The following CADPS2 variants were observed in gnomAD, a reference collection of about 807,000 sequenced individuals.
CADPS2 encodes calcium-dependent secretion activator 2.
Under a neutral mutation model 172.5 loss-of-function variants are expected in CADPS2, and 93 were observed. The observed-to-expected ratio is 0.54, with a 90% CI of 0.46 to 0.64. The LOEUF (loss-of-function observed/expected upper bound fraction) is 0.64. Among genes scored for constraint, CADPS2 ranks in the 30% least tolerant of loss-of-function variants. The probability of loss-of-function intolerance (pLI) is 0.00; values close to 1 mark genes in which losing one functional copy is unlikely to be tolerated. For missense variants in CADPS2, 1,420 were observed against 1,565.9 expected, an observed-to-expected ratio of 0.91 and a Z score of 1.57; for synonymous variants, 546 against 555.2, an observed-to-expected ratio of 0.98 and a Z score of 0.23.
intron 25 of CADPS2, among the ~76,000 whole-genome samples, chr7:122,368,751 T>C (rs1286516265): frequency 6.6e-6 from 1 of 152,130 alleles, no homozygotes; most frequent in African/African-American, 2.4e-5. Context: ...CTCTTCCAAA[T>C]CCAGCATTCC....
chr7:122,701,806 A>T, intron 2 of CADPS2: 1 of 1,404,012 alleles, frequency 7.1e-7, no homozygotes, highest in South Asian at 1.3e-5. Context: ...AGATCTGGTT[A>T]CATCTTCAGA....
At chr7:122,340,724 C>A (rs962044585) in intron 28 of CADPS2, among the ~76,000 whole-genome samples, 1 of 152,042 alleles carries the variant, frequency 6.6e-6, no homozygotes, top group Admixed American at 6.6e-5. Flanking sequence ...AGAAACATCA[C>A]AGTAGGCATT....
chr7:122,851,532 T>G (rs1813629432), intron 1 of CADPS2, among the ~76,000 whole-genome samples: 1 of 152,164 alleles, frequency 6.6e-6, no homozygotes, highest in Admixed American at 6.5e-5. Flanking sequence ...TTAATGAACC[T>G]GTATTAGTCT....
intron 2 of CADPS2, among the ~76,000 whole-genome samples, chr7:122,671,327 T>C (rs953082348): frequency 6.6e-6 from 1 of 152,188 alleles, no homozygotes; most frequent in South Asian, 2.1e-4. Context: ...TTTGGATGGT[T>C]AAACCAATGA....
intron 8 of CADPS2, among the ~76,000 whole-genome samples, chr7:122,514,147 C>T (rs986567776): frequency 8.6e-5 from 13 of 151,802 alleles, no homozygotes; most frequent in African/African-American, 2.9e-4. Context: ...AAAATTATGC[C>T]ACAAAATTAT....
intron 2 of CADPS2, chr7:122,701,758 G>T: frequency 9.8e-7 from 1 of 1,025,470 alleles, no homozygotes. Flanking sequence ...TCTACATAAA[G>T]TACAATAAGA....
chr7:122,502,677 C>T (rs1436899904), intron 9 of CADPS2, among the ~76,000 whole-genome samples: 1 of 151,936 alleles, frequency 6.6e-6, no homozygotes, highest in African/African-American at 2.4e-5. Flanking sequence ...AATAATTTTT[C>T]ATGTTTAATT....
At chr7:122,380,537 T>C (rs979937929) in intron 24 of CADPS2, among the ~76,000 whole-genome samples, 1 of 152,082 alleles carries the variant, frequency 6.6e-6, no homozygotes, top group South Asian at 2.1e-4. Context: ...TAGGTCTGCT[T>C]TGGAATACTC....
At chr7:122,565,838 T>C (rs1206085778) in intron 7 of CADPS2, among the ~76,000 whole-genome samples, 1 of 152,192 alleles carries the variant, frequency 6.6e-6, no homozygotes, top group East Asian at 1.9e-4. Context: ...GTATAATTCA[T>C]GATTATTAAC....
At chr7:122,835,128 A>G (rs958836573) in intron 1 of CADPS2, among the ~76,000 whole-genome samples, 1 of 152,200 alleles carries the variant, frequency 6.6e-6, no homozygotes, top group African/African-American at 2.4e-5. Flanking sequence ...CTGTTCAGCA[A>G]TATTCGATGT....
At chr7:122,609,796 A>T (rs1266887421) in intron 6 of CADPS2, among the ~76,000 whole-genome samples, 1 of 152,198 alleles carries the variant, frequency 6.6e-6, no homozygotes, top group Non-Finnish European at 1.5e-5. Context: ...TATAATTAGT[A>T]TCAGACAGAA....
intron 1 of CADPS2, among the ~76,000 whole-genome samples, chr7:122,804,531 A>T (rs1798368017): frequency 6.6e-6 from 1 of 152,226 alleles, no homozygotes; most frequent in South Asian, 2.1e-4. Context: ...AAAATTTCTT[A>T]AATGACATTT....
At chr7:122,859,275 T>A (rs985522449) in intron 1 of CADPS2, among the ~76,000 whole-genome samples, 1 of 152,136 alleles carries the variant, frequency 6.6e-6, no homozygotes, top group Non-Finnish European at 1.5e-5. Flanking sequence ...AATATGGGAG[T>A]CATCTGTTGA....
chr7:122,715,010 A>G (rs899214134), intron 2 of CADPS2, among the ~76,000 whole-genome samples: 1 of 152,246 alleles, frequency 6.6e-6, no homozygotes, highest in Non-Finnish European at 1.5e-5. Flanking sequence ...TTCTAGAGGG[A>G]GTACAGCCCT....
At chr7:122,672,614 G>A (rs974422958) in intron 2 of CADPS2, among the ~76,000 whole-genome samples, 1 of 152,114 alleles carries the variant, frequency 6.6e-6, no homozygotes, top group Non-Finnish European at 1.5e-5. Context: ...ACAGAATACT[G>A]GGCCTTGGAA....
chr7:122,539,938 C>A (rs1370391177), intron 8 of CADPS2, among the ~76,000 whole-genome samples: 1 of 151,920 alleles, frequency 6.6e-6, no homozygotes, highest in East Asian at 1.9e-4. Flanking sequence ...CTTCATAAAA[C>A]TTCAACTGAT....
At chr7:122,418,480 G>C (rs1389783603) in intron 17 of CADPS2, among the ~76,000 whole-genome samples, 3 of 152,130 alleles carry the variant, frequency 2.0e-5, no homozygotes, top group African/African-American at 2.4e-5. Flanking sequence ...GAATAACTTG[G>C]GGCAAATGTT....
At chr7:122,687,656 TAAG>T (rs2083809693) in intron 2 of CADPS2, among the ~76,000 whole-genome samples, 1 of 152,188 alleles carries the variant, frequency 6.6e-6, no homozygotes, top group African/African-American at 2.4e-5. Flanking sequence ...GTATTATAGC[TAAG>T]ATTATTACCA....
intron 25 of CADPS2, among the ~76,000 whole-genome samples, chr7:122,370,014 C>G (rs560720329): frequency 6.6e-6 from 1 of 152,210 alleles, no homozygotes; most frequent in Non-Finnish European, 1.5e-5. Flanking sequence ...CTCACTTCTG[C>G]AGCCTTGTCT....
Sources: allele counts gnomAD v4.1 joint callset (sites outside exome capture counted in the v4.1 genomes callset), GRCh38; gene constraint gnomAD v4.1.1; transcripts MANE v1.5; gene names NCBI Gene and HGNC (gene_info 2026-07-23, HGNC 2026-07-21).